Variants in F13A1 observed in about 807,000 individuals in gnomAD.
F13A1 encodes the protein FSF, A subunit.
A neutral mutation model predicts 80.1 loss-of-function variants in F13A1; 47 were observed. The ratio of observed to expected loss-of-function variants is 0.59; its 90% CI spans 0.46 to 0.75. The LOEUF is 0.75. Among genes scored for constraint, F13A1 ranks in the 30% least tolerant of loss-of-function variants. The pLI is 0.00. For missense variants in F13A1, 817 were observed against 930.4 expected (o/e 0.88, Z 1.59); for synonymous variants, 349 against 344.9 (o/e 1.01, Z -0.13).
In F13A1 at chr6:6,197,301, A is replaced by T. The variant is rs779801062; in HGVS notation, c.1138T>A (p.Trp380Arg). ...VWNYHCWNEA[W>R]MTRPDLPVGF... ...ACAGGAAGGTCAGGCCTTGTCATCC[A>T]TGCTTCATTCCAGCAGTGGTAGTTC... is the stretch of plus-strand genomic sequence containing the variant. Residue 380 changes from tryptophan to arginine, a missense_variant, in exon 9 of 15, where the codon TGG becomes AGG. Transcript: ENST00000264870. The T allele has an allele frequency of 6.8e-6, 11 of 1,614,206 alleles. No homozygotes were observed. In the South Asian group the frequency reaches 1.1e-4, roughly 16 times the overall value.
intron 8 of F13A1, among the ~76,000 whole-genome samples, chr6:6,198,485 C>T (rs774104773): frequency 2.0e-5 from 3 of 152,198 alleles, no homozygotes; most frequent in Non-Finnish European, 4.4e-5. Context: ...CCACGGGTTC[C>T]GTGCCTAGAC....
At chr6:6,279,803 T>G (rs761187767) in intron 3 of F13A1, among the ~76,000 whole-genome samples, 4 of 152,010 alleles carry the variant, frequency 2.6e-5, no homozygotes, top group Non-Finnish European at 4.4e-5. Context: ...TCATGGCAAC[T>G]GACTTAAAAA....
chr6:6,192,823 T>C (rs1261974905), intron 10 of F13A1, among the ~76,000 whole-genome samples: 1 of 152,136 alleles, frequency 6.6e-6, no homozygotes, highest in Non-Finnish European at 1.5e-5. Flanking sequence ...TGTGTGTGTA[T>C]GTGAGTGAGT....
At chr6:6,293,426 G>A (rs751908947) in intron 3 of F13A1, among the ~76,000 whole-genome samples, 3 of 151,918 alleles carry the variant, frequency 2.0e-5, no homozygotes, top group Non-Finnish European at 4.4e-5. Flanking sequence ...ATGATTTGTC[G>A]AGGCTGCAGG....
chr6:6,221,810 A>G (rs187933481), intron 8 of F13A1, among the ~76,000 whole-genome samples: 3 of 152,286 alleles, frequency 2.0e-5, no homozygotes, highest in Admixed American at 6.5e-5. Context: ...GGTGGTTGCT[A>G]TTATAAGGAA....
At chr6:6,259,944 C>G (rs913556294) in intron 4 of F13A1, among the ~76,000 whole-genome samples, 5 of 152,176 alleles carry the variant, frequency 3.3e-5, no homozygotes, top group Admixed American at 2.0e-4. Context: ...GGCACTAGTG[C>G]TAGACTACCA....
intron 3 of F13A1, among the ~76,000 whole-genome samples, chr6:6,281,762 G>C (rs1023608789): frequency 4.6e-5 from 7 of 152,094 alleles, no homozygotes; most frequent in Admixed American, 2.0e-4. Flanking sequence ...GGGAGGCCAA[G>C]GCAGGCAGAT....
At chr6:6,158,711 A>G (rs959222813) in intron 13 of F13A1, among the ~76,000 whole-genome samples, 1 of 152,110 alleles carries the variant, frequency 6.6e-6, no homozygotes, top group Non-Finnish European at 1.5e-5. Context: ...GGTTGTGGAC[A>G]TGGAGGGGAA....
At chr6:6,197,435 T>C (rs772754513) in intron 8 of F13A1, 109 bp from the exon 9 acceptor site, 139 of 1,039,420 alleles carry the variant, frequency 1.3e-4, no homozygotes, top group Non-Finnish European at 2.0e-4. Context: ...ATCCCAGCAA[T>C]TTGGGAGGCC....
chr6:6,236,355 CTATAG>C, intron 6 of F13A1, among the ~76,000 whole-genome samples: 1 of 152,044 alleles, frequency 6.6e-6, no homozygotes, highest in Non-Finnish European at 1.5e-5. Context: ...AAACCAGCAT[CTATAG>C]TATAATATTA....
rs374113663 is a variant in F13A1, at chr6:6,313,984, C to CACTTTTTTTTTTTT, written c.130+4550_130+4551insAAAAAAAAAAAAGT. On this transcript the variant is annotated intron_variant, in intron 2 of 14. Coordinates refer to ENST00000264870, the MANE Select transcript of F13A1 (RefSeq NM_000129.4). ...TCTCCTGTTCTCCATTTTCTCCTTA[C>CACTTTTTTTTTTTT]TCTTTTTTTTTTTTGAAACGGAGTC... Among the ~76,000 whole-genome samples, 5 of 139,310 alleles carry CACTTTTTTTTTTTT rather than the reference C, an allele frequency of 3.6e-5. 1 individual carries two copies. The highest frequency in any genetic ancestry group is 3.0e-5 in the Non-Finnish European group (2 of 65,948). 91.4% of individuals were successfully genotyped at this position (139,310 alleles called of 152,430 possible).
chr6:6,229,578 T>C (rs1321604472), intron 6 of F13A1, among the ~76,000 whole-genome samples: 2 of 152,082 alleles, frequency 1.3e-5, no homozygotes, highest in African/African-American at 2.4e-5. Context: ...CCCAAGGATT[T>C]GGATCATCAT....
rs895660237 is a variant in F13A1 at position 6,243,015 on chromosome 6, T to C, written c.798+5297A>G. ...CTTTGTGAAGGCAGAAACTTAATTT[T>C]GTTCACAATTGTACTCCAGTGTTCA... On this transcript the variant is annotated intron_variant, in intron 6 of 14. Coordinates refer to ENST00000264870, the MANE Select transcript of F13A1 (RefSeq NM_000129.4). The surrounding 1 kb of genome is among the most constrained non-coding windows in gnomAD (Gnocchi z 4.2). Among the ~76,000 whole-genome samples, 1 of 152,206 alleles carries C rather than the reference T, an allele frequency of 6.6e-6. No individual in the cohort carries two copies. The highest frequency in any genetic ancestry group is 6.5e-5 in the Admixed American group (1 of 15,278).
At chr6:6,218,877 T>C (rs1757143932) in intron 8 of F13A1, among the ~76,000 whole-genome samples, 1 of 152,154 alleles carries the variant, frequency 6.6e-6, no homozygotes. Flanking sequence ...CACACCCTCT[T>C]GTACTTTTCC....
intron 11 of F13A1, among the ~76,000 whole-genome samples, chr6:6,181,217 CTT>C (rs1471058608): frequency 2.0e-5 from 3 of 152,192 alleles, no homozygotes; most frequent in African/African-American, 7.2e-5. Context: ...CTTCTCAAGT[CTT>C]TTTCTGAATC....
At chr6:6,212,146 G>T (rs1457807273) in intron 8 of F13A1, among the ~76,000 whole-genome samples, 9 of 152,250 alleles carry the variant, frequency 5.9e-5, no homozygotes, top group Non-Finnish European at 1.3e-4. Flanking sequence ...AAACAAAGCG[G>T]CCAGGAAGCT....
chr6:6,178,536 C>T (rs532203415), intron 11 of F13A1, among the ~76,000 whole-genome samples: 16 of 151,936 alleles, frequency 1.1e-4, no homozygotes, highest in South Asian at 2.1e-4. Flanking sequence ...TGGGAAGTTC[C>T]GTGTCAGGTT....
chr6:6,205,811 G>A (rs1248309937), intron 8 of F13A1, among the ~76,000 whole-genome samples: 23 of 151,456 alleles, frequency 1.5e-4, no homozygotes, highest in Admixed American at 1.4e-3. Flanking sequence ...AAAACAAAAC[G>A]AAAACAACAA....
chr6:6,292,510 T>A (rs1758237591), intron 3 of F13A1, among the ~76,000 whole-genome samples: 1 of 152,148 alleles, frequency 6.6e-6, no homozygotes, highest in Admixed American at 6.5e-5. Flanking sequence ...TCCTCTCCTA[T>A]CCTGAATTAC....
Sources: gnomAD v4.1 joint callset for allele counts (sites outside exome capture counted in the v4.1 genomes callset) on GRCh38, gnomAD v4.1.1 for gene constraint, Gnocchi (gnomAD v3.1) non-coding constraint, MANE v1.5 for transcripts, NCBI Gene and HGNC (gene_info 2026-07-23, HGNC 2026-07-21) for gene names.